The following NCKAP1 variants were observed in gnomAD, a reference collection of about 807,000 sequenced individuals.
NCKAP1 encodes the protein NCK associated protein 1.
Under a neutral mutation model 151.2 loss-of-function variants are expected in NCKAP1, and 21 were observed. The ratio of observed to expected loss-of-function variants is 0.14; its 90% CI spans 0.10 to 0.20. The LOEUF (loss-of-function observed/expected upper bound fraction) is 0.20, where lower values mean the gene tolerates loss of function less well. NCKAP1 is among the 10% of genes least tolerant of loss of function. The probability of loss-of-function intolerance (pLI) is 1.00; values close to 1 mark genes in which losing one functional copy is unlikely to be tolerated. For synonymous variants in NCKAP1, 484 were observed against 451.8 expected, an observed-to-expected ratio of 1.07 and a Z score of -0.90; for missense variants, 933 against 1,352.1, an observed-to-expected ratio of 0.69 and a Z score of 4.86.
chr2:183,014,857 T>C (rs1022656026), intron 2 of NCKAP1, among the ~76,000 whole-genome samples: 3 of 152,204 alleles, frequency 2.0e-5, no homozygotes, highest in Admixed American at 1.3e-4. Context: ...TAAAGGTCAA[T>C]AGGTGATTAG....
chr2:183,038,037 G>A lies in NCKAP1; in HGVS notation c.63C>T (p.Asn21=), dbSNP rs910994831. ...GGGTGAGCATGCCGACGCCCCGGTC[G>A]TTGAGGATGGTGAGCTTCTCCGCCA... ...QKLAEKLTIL[N]DRGVGMLTRL... Residue 21 remains asparagine, a synonymous_variant, in exon 1 of 31, where the codon AAC becomes AAT. Coordinates refer to ENST00000361354, the MANE Select transcript of NCKAP1 (RefSeq NM_013436.5). The A allele has an allele frequency of 8.8e-6, 14 of 1,586,288 alleles. No homozygotes were observed. The African/African-American group carries it at 1.4e-4, about 16-fold the overall frequency.
chr2:182,950,678 T>C (rs1316127436), intron 23 of NCKAP1, among the ~76,000 whole-genome samples: 1 of 152,100 alleles, frequency 6.6e-6, no homozygotes, highest in Admixed American at 6.5e-5. Context: ...AATGATACAA[T>C]GAATACTAAA....
chr2:182,994,799 A>T, intron 8 of NCKAP1, 40 bp downstream of exon 8: 1 of 1,519,688 alleles, frequency 6.6e-7, no homozygotes, highest in Non-Finnish European at 9.1e-7. Context: ...TAAAACATAA[A>T]GCCTGGGGAG....
intron 23 of NCKAP1, among the ~76,000 whole-genome samples, chr2:182,944,506 A>C (rs10931053): frequency 0.67 from 102,199 of 151,966 alleles, 37,621 homozygotes; most frequent in East Asian, 0.96. Context: ...TAAAACACCC[A>C]AGAATTTTCG....
Position 183,006,804 on chromosome 2 carries a change from T to TA in NCKAP1, c.220-3480_220-3479insT, listed in dbSNP as rs1698480581. ...AGAACATAGGTAACACATTGTTTGA[T>TA]GTTATACAACAGAACATTAGAAAAG... On this transcript the variant is annotated intron_variant, in intron 2 of 30. Transcript: ENST00000361354. Among the ~76,000 whole-genome samples, 3 of 152,328 alleles carry TA rather than the reference T, an allele frequency of 2.0e-5. No homozygotes were observed. The South Asian group carries it at 6.2e-4, about 32-fold the overall frequency.
At chr2:182,982,390 G>A (rs1697958502) in intron 12 of NCKAP1, among the ~76,000 whole-genome samples, 1 of 152,040 alleles carries the variant, frequency 6.6e-6, no homozygotes, top group East Asian at 1.9e-4. Flanking sequence ...GAATATAGAT[G>A]GTGCACAACT....
At chr2:183,023,189 A>G (rs1353137256) in intron 2 of NCKAP1, among the ~76,000 whole-genome samples, 1 of 152,186 alleles carries the variant, frequency 6.6e-6, no homozygotes, top group East Asian at 1.9e-4. Context: ...CTAATTTCCC[A>G]AAAGTAGTTA....
At chr2:182,977,098 T>C (rs758138297) in intron 14 of NCKAP1, 147 bp from the exon 15 acceptor site, 22 of 456,388 alleles carry the variant, frequency 4.8e-5, no homozygotes, top group Admixed American at 1.3e-4. Context: ...GAGATATATG[T>C]ACACCCATGT....
At chr2:182,989,760 G>C (rs1698130161) in intron 8 of NCKAP1, among the ~76,000 whole-genome samples, 2 of 151,340 alleles carry the variant, frequency 1.3e-5, no homozygotes, top group African/African-American at 4.9e-5. Flanking sequence ...CCAGCATTTT[G>C]GGAGGCCAAG....
chr2:182,953,193 T>C lies in NCKAP1; in HGVS notation c.2292A>G (p.Val764=), dbSNP rs1397571118. The C allele has an allele frequency of 6.2e-7, 1 of 1,613,228 alleles. No homozygotes were observed. Among genetic ancestry groups the C allele is most frequent in the Non-Finnish European group, 8.5e-7 (1 of 1,179,294 alleles). Residue 764 remains valine (V), a synonymous_variant, in exon 21 of 31, where the codon GTA becomes GTG. Coordinates refer to ENST00000361354, the MANE Select transcript of NCKAP1 (RefSeq NM_013436.5). ...ENYVQIDITR[V]FNNVLLQQTQ... is the part of the protein sequence containing the mutation. ...TTTGTTGAAGAAGCACATTATTAAA[T>C]ACTCTTGTAATATCAATCTGCACAT...
rs780624603 is a variant in NCKAP1 at position 182,983,278 on chromosome 2, T to C, written c.1101+8A>G. ...CACAATTATTGAAATAATAATTAAA[T>C]GAATTACCTTGGGACCTAGCAATCC... On this transcript the variant is annotated splice_region_variant and intron_variant, in intron 11 of 30. Coordinates refer to ENST00000361354, the MANE Select transcript of NCKAP1 (RefSeq NM_013436.5). 5.8e-6 allele frequency: 9 copies of C among 1,557,728 alleles called. No homozygotes were observed. In the South Asian group the frequency reaches 1.1e-4, roughly 18 times the overall value.
At position 182,920,517 on chromosome 2, in the gene NCKAP1, A is replaced by G. The variant is rs1221411640; in HGVS notation, c.*5185T>C. On this transcript the variant is annotated 3_prime_UTR_variant, in exon 31 of 31. Transcript: ENST00000361354. ...AGTTTATAAGCAAGAACTGTGAACAATAAATTTGTTACTATAAAAAAACTT... is the reference window on the plus strand; with the variant it reads ...AGTTTATAAGCAAGAACTGTGAACAGTAAATTTGTTACTATAAAAAAACTT... The G allele has an allele frequency of 2.6e-5, 4 of 152,186 alleles. No homozygotes were observed. 9.4% of individuals were successfully genotyped at this position (152,186 alleles called of 1,614,324 possible). A position where few individuals can be genotyped will look rare whatever the true frequency, so the allele number is the denominator to read the frequency against.
chr2:182,961,266 T>C (rs1697444658), intron 18 of NCKAP1, among the ~76,000 whole-genome samples: 1 of 152,190 alleles, frequency 6.6e-6, no homozygotes, highest in African/African-American at 2.4e-5. Flanking sequence ...CATGCTGCTA[T>C]AAAGACACAT....
intron 4 of NCKAP1, among the ~76,000 whole-genome samples, chr2:183,002,745 C>T (rs1479787861): frequency 6.6e-6 from 1 of 151,782 alleles, no homozygotes; most frequent in Admixed American, 6.6e-5. Flanking sequence ...AAATAAAATA[C>T]TAAAGTTAAC....
At chr2:183,007,086 T>C (rs1178865743) in intron 2 of NCKAP1, among the ~76,000 whole-genome samples, 1 of 152,160 alleles carries the variant, frequency 6.6e-6, no homozygotes, top group Non-Finnish European at 1.5e-5. Context: ...TCGGTCAGGC[T>C]GGTCTCAAAT....
intron 2 of NCKAP1, among the ~76,000 whole-genome samples, chr2:183,015,104 T>C (rs1185916563): frequency 6.6e-6 from 1 of 152,176 alleles, no homozygotes; most frequent in East Asian, 1.9e-4. Context: ...AAGCAGAAAG[T>C]CTCTTTGAGT....
In NCKAP1 at chr2:182,938,657, T is replaced by C. The variant is rs529780556; in HGVS notation, c.2696-3282A>G. Among the ~76,000 whole-genome samples the C allele has an allele frequency of 7.0e-4, 106 of 152,286 alleles. 1 individual carries two copies. Among genetic ancestry groups the C allele is most frequent in the Admixed American group, 1.5e-3 (23 of 15,292 alleles). On this transcript the variant is annotated intron_variant, in intron 24 of 30. Coordinates refer to ENST00000361354, the MANE Select transcript of NCKAP1 (RefSeq NM_013436.5). ...TTAACGACAGACTTAAAAAGTGTTA[T>C]TTCACAAGCAGTACTTGGCTTTCAG...
chr2:182,964,884 TGATTC>T (rs777271871), intron 16 of NCKAP1, 76 bp from the exon 17 acceptor site: 5 of 1,144,456 alleles, frequency 4.4e-6, no homozygotes, highest in Non-Finnish European at 6.0e-6. Context: ...ACAGTTAATT[TGATTC>T]AAGTGAATGA....
At chr2:182,985,611 A>G (rs1288666900) in intron 10 of NCKAP1, among the ~76,000 whole-genome samples, 2 of 151,952 alleles carry the variant, frequency 1.3e-5, no homozygotes, top group African/African-American at 2.4e-5. Flanking sequence ...AGACCAGTCT[A>G]GCCAACATGG....
Sources: gnomAD v4.1 joint callset for allele counts (sites outside exome capture counted in the v4.1 genomes callset) on GRCh38, gnomAD v4.1.1 for gene constraint, MANE v1.5 for transcripts, NCBI Gene and HGNC (gene_info 2026-07-23, HGNC 2026-07-21) for gene names.